Variants in USP32 observed in about 807,000 individuals in gnomAD.
USP32 encodes the protein ubiquitin specific peptidase 32.
Under a neutral mutation model 204.8 loss-of-function variants are expected in USP32, and 59 were observed. The observed-to-expected ratio is 0.29, with a 90% CI of 0.23 to 0.36. The LOEUF (loss-of-function observed/expected upper bound fraction) is 0.36, where lower values mean the gene tolerates loss of function less well. Ranked by LOEUF, USP32 falls within the 10% of genes least tolerant of loss-of-function variation. The pLI, the probability that USP32 is intolerant of heterozygous loss-of-function variation, is 1.00. For missense variants in USP32, 1,160 were observed against 1,946.4 expected, an observed-to-expected ratio of 0.60 and a Z score of 7.60; for synonymous variants, 517 against 678.4, an observed-to-expected ratio of 0.76 and a Z score of 3.70.
At chr17:60,343,246 G>A (rs1233674818) in intron 2 of USP32, among the ~76,000 whole-genome samples, 1 of 152,024 alleles carries the variant, frequency 6.6e-6, no homozygotes, top group Non-Finnish European at 1.5e-5. Flanking sequence ...AGATCAACGA[G>A]ACAGAAGGTT....
rs758528054 is a variant in USP32 at position 60,368,991 on chromosome 17, A to ATTTTTTTTTTTTTTTTTTTTTT, written c.58+22890_58+22891insAAAAAAAAAAAAAAAAAAAAAA. On this transcript the variant is annotated intron_variant, in intron 1 of 33. Transcript: ENST00000300896. ...ACATACACGAATTATTTTTTAAAAG[A>ATTTTTTTTTTTTTTTTTTTTTT]TTTTTTTTTTTTTTTTTTTTTGAGA... Among the ~76,000 whole-genome samples, 20 of 114,126 alleles carry ATTTTTTTTTTTTTTTTTTTTTT rather than the reference A, an allele frequency of 1.8e-4. 1 individual carries two copies. The highest frequency in any genetic ancestry group is 9.2e-4 in the African/African-American group (18 of 19,584). 74.9% of individuals were successfully genotyped at this position (114,126 alleles called of 152,430 possible). A position where few individuals can be genotyped will look rare whatever the true frequency, so the allele number is the denominator to read the frequency against.
chr17:60,227,889 T>G (rs1321913317), intron 12 of USP32, among the ~76,000 whole-genome samples: 2 of 152,190 alleles, frequency 1.3e-5, no homozygotes, highest in Admixed American at 6.5e-5. Flanking sequence ...ATTATTTATG[T>G]AAGTTAACTG....
At chr17:60,349,603 A>ATATATATATATATATATATATATAT (rs2088883723) in intron 1 of USP32, among the ~76,000 whole-genome samples, 1 of 64,142 alleles carries the variant, frequency 1.6e-5, no homozygotes, top group East Asian at 3.7e-4. Context: ...AAAAATATAT[A>ATATATATATATATATATATATATAT]TATATATATA....
At chr17:60,406,812 CCTTTCTTT>C (rs199628321) in intron 1 of USP32, among the ~76,000 whole-genome samples, 14 of 152,048 alleles carry the variant, frequency 9.2e-5, no homozygotes, top group East Asian at 5.8e-4. Context: ...CTGCGCCTGG[CCTTTCTTT>C]CTTTCTTTCT....
At chr17:60,247,403 C>A (rs2086057336) in intron 11 of USP32, among the ~76,000 whole-genome samples, 2 of 152,270 alleles carry the variant, frequency 1.3e-5, no homozygotes, top group African/African-American at 4.8e-5. Flanking sequence ...TGGTCTCGAA[C>A]TCCTGGCCTC....
upstream of USP32, among the ~76,000 whole-genome samples, chr17:60,393,810 G>A (rs536500482): frequency 3.3e-5 from 5 of 151,702 alleles, no homozygotes; most frequent in South Asian, 1.0e-3. Flanking sequence ...TCAGCCTCCC[G>A]AGTAGTTGGG....
intron 1 of USP32, among the ~76,000 whole-genome samples, chr17:60,416,024 G>A (rs1046173646): frequency 6.6e-6 from 1 of 152,078 alleles, no homozygotes; most frequent in Non-Finnish European, 1.5e-5. Flanking sequence ...ATTTTTAGTA[G>A]AGACAGGGTT....
intron 1 of USP32, among the ~76,000 whole-genome samples, chr17:60,402,246 CTTTTTTTTTTTTT>C (rs761342227): frequency 5.1e-5 from 6 of 118,450 alleles, no homozygotes; most frequent in Non-Finnish European, 8.7e-5. Context: ...CCTCATTTAT[CTTTTTTTTTTTTT>C]TTTTTTTTTA....
intron 3 of USP32, among the ~76,000 whole-genome samples, chr17:60,295,220 GT>G (rs2087397161): frequency 1.3e-5 from 2 of 149,676 alleles, no homozygotes; most frequent in Non-Finnish European, 3.0e-5. Context: ...CTGAAATACT[GT>G]TTGTAAGAGC....
At chr17:60,330,205 T>C (rs2088346499) in intron 2 of USP32, among the ~76,000 whole-genome samples, 1 of 152,202 alleles carries the variant, frequency 6.6e-6, no homozygotes, top group African/African-American at 2.4e-5. Context: ...ATTGCTCTCT[T>C]TAAAATTAGT....
At chr17:60,222,383 T>C (rs779328477) in intron 15 of USP32, 26 bp downstream of exon 15, 1 of 1,604,218 alleles carries the variant, frequency 6.2e-7, no homozygotes, top group Non-Finnish European at 8.5e-7. Flanking sequence ...CTGCTCCTTA[T>C]ATAAGGCACT....
chr17:60,269,695 T>C (rs2086680758), intron 6 of USP32, 138 bp from the exon 7 acceptor site: 3 of 584,512 alleles, frequency 5.1e-6, no homozygotes, highest in Admixed American at 7.6e-5. Context: ...TTCCTAATGT[T>C]TCAGGAAGTA....
chr17:60,223,674 G>C, intron 13 of USP32, 88 bp from the exon 14 acceptor site: 2 of 1,116,952 alleles, frequency 1.8e-6, no homozygotes, highest in East Asian at 5.1e-5. Context: ...CCCATGTATT[G>C]TATTACTCTG....
At position 60,268,457 on chromosome 17, in the gene USP32, C is replaced by A. The variant is rs569899232; in HGVS notation, c.811+993G>T. ...GCATGGTGGTACATGCCTGTAGTCC[C>A]AGCTACCTAGGAGGCTAGGATGGGA... On this transcript the variant is annotated intron_variant, in intron 7 of 33. Transcript: ENST00000300896. 1.6e-3 allele frequency among the ~76,000 whole-genome samples: 234 copies of A among 150,464 alleles called. 2 individuals carry two copies. The highest frequency in any genetic ancestry group is 6.8e-3 in the Middle Eastern group (2 of 292).
chr17:60,384,387 T>C (rs535075131), intron 1 of USP32, among the ~76,000 whole-genome samples: 97 of 152,338 alleles, frequency 6.4e-4, no homozygotes, highest in African/African-American at 2.3e-3. Flanking sequence ...AATCCCACTT[T>C]AGCATAGTTT....
chr17:60,208,019 G>A (rs762154688), intron 24 of USP32, 40 bp downstream of exon 24: 17 of 1,516,856 alleles, frequency 1.1e-5, no homozygotes, highest in Admixed American at 1.9e-5. Flanking sequence ...GTCATCTTTG[G>A]AGGATAGAAT....
chr17:60,255,173 A>G lies in USP32; in HGVS notation c.1074+2T>C. 6.2e-7 allele frequency: 1 copy of G among 1,609,518 alleles called. No homozygotes were observed. Among genetic ancestry groups the G allele is most frequent in the Non-Finnish European group, 8.5e-7 (1 of 1,176,938 alleles). On this transcript the variant is annotated splice_donor_variant, in intron 10 of 33. Transcript: ENST00000300896. LOFTEE classifies it high-confidence loss of function. Reference sequence around the variant, plus strand: ...TGTTGCTGTCATTTACCTTAAACATACCTGGAAAAGGAGGTTCAAAAACTC... The same window carrying G: ...TGTTGCTGTCATTTACCTTAAACATGCCTGGAAAAGGAGGTTCAAAAACTC...
upstream of USP32, among the ~76,000 whole-genome samples, chr17:60,394,469 C>G (rs1333513215): frequency 6.6e-6 from 1 of 152,086 alleles, no homozygotes; most frequent in African/African-American, 2.4e-5. Flanking sequence ...TGGCACTTGC[C>G]CCACTTGAAA....
chr17:60,332,258 A>G (rs1385162382), intron 2 of USP32, among the ~76,000 whole-genome samples: 1 of 152,060 alleles, frequency 6.6e-6, no homozygotes, highest in East Asian at 1.9e-4. Context: ...GTCTCAAGAA[A>G]GAAAAAAGTG....
Sources: gnomAD v4.1 joint callset for allele counts (sites outside exome capture counted in the v4.1 genomes callset) on GRCh38, gnomAD v4.1.1 for gene constraint, MANE v1.5 for transcripts, NCBI Gene and HGNC (gene_info 2026-07-23, HGNC 2026-07-21) for gene names.